WARS1: variants seen among roughly 807,000 people sequenced by gnomAD.
The protein encoded by WARS1 is tryptophanyl-tRNA synthetase 1, also known as tryptophan--tRNA ligase, cytoplasmic.
A neutral mutation model predicts 47.8 loss-of-function variants in WARS1; 17 were observed. That is an observed-to-expected ratio of 0.36 (90% CI 0.24 to 0.53). The LOEUF is 0.53. Ranked by LOEUF, WARS1 falls within the 20% of genes least tolerant of loss-of-function variation. The pLI is 0.91. For missense variants in WARS1, 434 were observed against 608.0 expected (o/e 0.71, Z 3.01); for synonymous variants, 208 against 228.1 (o/e 0.91, Z 0.79).
At chr14:100,359,035 T>A (rs1442398675) in intron 4 of WARS1, among the ~76,000 whole-genome samples, 1 of 152,136 alleles carries the variant, frequency 6.6e-6, no homozygotes, top group African/African-American at 2.4e-5. Context: ...TGGGTGAAGA[T>A]GTGGAGAAAT....
At chr14:100,356,447 A>C (rs1363822589) in intron 4 of WARS1, among the ~76,000 whole-genome samples, 1 of 151,374 alleles carries the variant, frequency 6.6e-6, no homozygotes, top group South Asian at 2.1e-4. Flanking sequence ...CAAAATCAGG[A>C]ATATAAGAAG....
intron 2 of WARS1, among the ~76,000 whole-genome samples, 179 bp downstream of exon 2, chr14:100,368,908 C>T (rs965352360): frequency 6.6e-6 from 1 of 152,172 alleles, no homozygotes; most frequent in Admixed American, 6.5e-5. Context: ...TTGCAGCAAG[C>T]TTAGATTGCA....
intron 5 of WARS1, 122 bp downstream of exon 5, chr14:100,354,325 T>G (rs149122244): frequency 1.4e-6 from 2 of 1,437,348 alleles, no homozygotes; most frequent in East Asian, 2.4e-5. Context: ...AAGTGCCAAC[T>G]CTTGACATCT....
intron 6 of WARS1, among the ~76,000 whole-genome samples, chr14:100,349,774 A>C (rs983204209): frequency 6.6e-6 from 1 of 152,182 alleles, no homozygotes; most frequent in Non-Finnish European, 1.5e-5. Flanking sequence ...GGGGAACTGC[A>C]CTGGCCTCCT....
At position 100,337,085 on chromosome 14, in the gene WARS1, C is replaced by T. The variant is rs150963629; in HGVS notation, c.1231G>A (p.Asp411Asn). The T allele has an allele frequency of 9.5e-4, 1,540 of 1,613,904 alleles. 2 individuals are homozygous for T. The highest frequency in any genetic ancestry group is 1.2e-3 in the Non-Finnish European group (1,460 of 1,179,924). Residue 411 changes from aspartate to asparagine, a missense_variant, in exon 10 of 11, where the codon GAC (aspartate) becomes AAC (asparagine). By Grantham distance (23) the Asp-to-Asn change is conservative. Around this residue, in one of 2 missense-constraint regions of WARS1, gnomAD observed 347 missense variants for 523.8 expected, o/e 0.66. Transcript: ENST00000392882. ...ACCTTCCTGATCTGCTCGAGCTTGT[C>T]GTCGTCCTCGAGGAAGAAGGTCAGG... ...MYLTFFLEDD[D>N]KLEQIRKDYT...
intron 6 of WARS1, among the ~76,000 whole-genome samples, 164 bp from the exon 7 acceptor site, chr14:100,347,010 T>C (rs1040924288): frequency 2.4e-4 from 37 of 152,200 alleles, no homozygotes; most frequent in African/African-American, 7.0e-4. Context: ...AAGTCATCTG[T>C]AGGCAAAGAT....
At chr14:100,366,023 T>C (rs1421627663) in intron 2 of WARS1, 2 of 456,038 alleles carry the variant, frequency 4.4e-6, no homozygotes, top group East Asian at 7.0e-5. Context: ...GAAGCAGTTA[T>C]TGAGAATCCC....
At chr14:100,366,952 T>G in intron 2 of WARS1, 1 of 1,546,176 alleles carries the variant, frequency 6.5e-7, no homozygotes, top group South Asian at 1.1e-5. Flanking sequence ...CATAGTGGTT[T>G]CTTAACTCTC....
At chr14:100,368,583 C>A in intron 2 of WARS1, 1 of 431,958 alleles carries the variant, frequency 2.3e-6, no homozygotes, top group Non-Finnish European at 4.7e-6. Context: ...GGCTGGAGGG[C>A]CACTGTATTT....
At chr14:100,347,300 C>T (rs1048243216) in intron 6 of WARS1, among the ~76,000 whole-genome samples, 1 of 152,142 alleles carries the variant, frequency 6.6e-6, no homozygotes, top group Admixed American at 6.5e-5. Context: ...GGATAGAAAC[C>T]CACGGCCCGA....
At chr14:100,352,443 T>G (rs1895058227) in intron 6 of WARS1, among the ~76,000 whole-genome samples, 1 of 152,142 alleles carries the variant, frequency 6.6e-6, no homozygotes, top group South Asian at 2.1e-4. Flanking sequence ...TAAGGTCTTA[T>G]AAGAGGGAAC....
In WARS1 at chr14:100,337,103, A is replaced by C; in HGVS notation, c.1213T>G (p.Phe405Val). The C allele has an allele frequency of 6.2e-7, 1 of 1,614,160 alleles. No homozygotes were observed. The highest frequency in any genetic ancestry group is 8.5e-7 in the Non-Finnish European group (1 of 1,179,998). The change falls in exon 10 of 11, where the codon TTC becomes GTC. Residue 405 changes from phenylalanine to valine, a missense_variant. By Grantham distance (50) the Phe-to-Val change is conservative (BLOSUM62 -1). This residue lies in a region of WARS1 where 347 missense variants were observed against 523.8 expected (regional missense o/e 0.66). Transcript: ENST00000392882. ...AGCTTGTCGTCGTCCTCGAGGAAGA[A>C]GGTCAGGTACATGAAAGACACGTCC... ...DVDVSFMYLT[F>V]FLEDDDKLEQ... is the part of the protein sequence containing the mutation.
chr14:100,337,341 C>A, intron 9 of WARS1, 139 bp from the exon 10 acceptor site: 1 of 1,272,924 alleles, frequency 7.9e-7, no homozygotes, highest in Non-Finnish European at 1.1e-6. Context: ...GGCGCACAGC[C>A]GGTTGGGGGC....
Position 100,360,662 on chromosome 14 carries a change from A to T in WARS1, c.314T>A (p.Val105Asp). 6.2e-7 allele frequency: 1 copy of T among 1,610,372 alleles called. No individual in the cohort carries two copies. Among genetic ancestry groups the T allele is most frequent in the Non-Finnish European group, 8.5e-7 (1 of 1,177,958 alleles). The change falls in exon 4 of 11, where the codon GTT (valine) becomes GAT (aspartate). Residue 105 changes from valine to aspartate, a missense_variant and splice_region_variant. Physicochemically the swap from Val to Asp is radical, Grantham distance 152 (BLOSUM62 -3). Transcript: ENST00000392882. Reference sequence around the variant, plus strand: ...GTCAATTTTACTACTTCCAAACCGAACTGGAAAAAAAGAAAAGATGACTTT... The same window carrying T: ...GTCAATTTTACTACTTCCAAACCGATCTGGAAAAAAAGAAAAGATGACTTT... ...AKGIDYDKLI[V>D]RFGSSKIDKE...
At chr14:100,376,271 G>T (rs1182518712), upstream of WARS1, 3 of 713,864 alleles carry the variant, frequency 4.2e-6, no homozygotes, top group Non-Finnish European at 5.8e-6. Context: ...CTGCCCAGCC[G>T]GGCCAGTCAG....
At position 100,334,727 on chromosome 14, in the gene WARS1, G is replaced by A; in HGVS notation, c.*148C>T. On this transcript the variant is annotated 3_prime_UTR_variant, in exon 11 of 11. Transcript: ENST00000392882. ...ATAATGGAACTCACAGGAAGAAACA[G>A]TATTGATAACATACACAGGCTTACA... The A allele has an allele frequency of 1.2e-6, 1 of 826,152 alleles. No homozygotes were observed. Among genetic ancestry groups the A allele is most frequent in the Non-Finnish European group, 1.9e-6 (1 of 535,902 alleles). The allele number at this position is 826,152 out of a possible 1,614,324, so 51.2% of individuals were successfully genotyped here.
At chr14:100,362,799 T>C (rs1895737211) in intron 2 of WARS1, among the ~76,000 whole-genome samples, 1 of 152,216 alleles carries the variant, frequency 6.6e-6, no homozygotes, top group African/African-American at 2.4e-5. Flanking sequence ...TACAGAACAT[T>C]CTTTCTTTTA....
At chr14:100,352,790 T>C (rs748413107) in intron 6 of WARS1, 1 of 152,280 alleles carries the variant, frequency 6.6e-6, no homozygotes, top group African/African-American at 2.4e-5. Flanking sequence ...GAAATATTTG[T>C]TGAGCTAGAT....
intron 5 of WARS1, 28 bp downstream of exon 5, chr14:100,354,419 A>C (rs772413025): frequency 1.9e-6 from 3 of 1,605,602 alleles, no homozygotes; most frequent in Admixed American, 1.7e-5. Flanking sequence ...CTAAGAGAGT[A>C]AGAAAAGCCA....
Sources: allele counts gnomAD v4.1 joint callset (sites outside exome capture counted in the v4.1 genomes callset), GRCh38; gene constraint gnomAD v4.1.1; regional missense constraint gnomAD v4.1.1; transcripts MANE v1.5; gene names NCBI Gene and HGNC (gene_info 2026-07-23, HGNC 2026-07-21).